The following SLC6A13 variants were observed in gnomAD, a reference collection of about 807,000 sequenced individuals.
SLC6A13 encodes the protein solute carrier family 6 member 13, also known as sodium- and chloride-dependent GABA transporter 2.
Under a neutral mutation model 72.9 loss-of-function variants are expected in SLC6A13, and 69 were observed. The observed-to-expected ratio is 0.95, with a 90% CI of 0.78 to 1.16. The LOEUF (loss-of-function observed/expected upper bound fraction) is 1.16, where lower values mean the gene tolerates loss of function less well. Ranked by LOEUF, SLC6A13 falls within the 50% of genes most tolerant of loss-of-function variation. The probability of loss-of-function intolerance (pLI) is 0.00; values close to 1 mark genes in which losing one functional copy is unlikely to be tolerated. For synonymous variants in SLC6A13, 303 were observed against 303.0 expected (o/e 1.00, Z 0.00); for missense variants, 735 against 760.5 (o/e 0.97, Z 0.39).
intron 2 of SLC6A13, among the ~76,000 whole-genome samples, chr12:246,618 C>T (rs1267324063): frequency 6.6e-6 from 1 of 152,130 alleles, no homozygotes; most frequent in East Asian, 1.9e-4. Flanking sequence ...TAAAGAAATA[C>T]ATTGGATGGG....
intron 2 of SLC6A13, among the ~76,000 whole-genome samples, chr12:247,821 G>A (rs1165652987): frequency 1.3e-5 from 2 of 152,044 alleles, no homozygotes; most frequent in African/African-American, 4.8e-5. Flanking sequence ...ACAAAGGTTA[G>A]GAGGAAAGAA....
chr12:242,209 C>T (rs1032568746), intron 4 of SLC6A13, among the ~76,000 whole-genome samples: 6 of 152,168 alleles, frequency 3.9e-5, no homozygotes, highest in East Asian at 1.9e-4. Flanking sequence ...TCCACTTATA[C>T]GTGGATTTTC....
rs528585021 is a variant in SLC6A13, at chr12:261,940, A to C, written c.-6+849T>G. 2.0e-5 allele frequency among the ~76,000 whole-genome samples: 3 copies of C among 152,234 alleles called. No individual in the cohort carries two copies. In the East Asian group the frequency reaches 5.8e-4, roughly 29 times the overall value. On this transcript the variant is annotated intron_variant, in intron 1 of 14. Transcript: ENST00000343164. ...GACTCTGTCTCAAAAAAAAGAAAAAAAAAAAAAGTCAGGGAACAGCAGGCA... is the reference window on the plus strand; with the variant it reads ...GACTCTGTCTCAAAAAAAAGAAAAACAAAAAAAGTCAGGGAACAGCAGGCA...
At chr12:246,412 A>C (rs1052807895) in intron 2 of SLC6A13, among the ~76,000 whole-genome samples, 1 of 152,214 alleles carries the variant, frequency 6.6e-6, no homozygotes, top group African/African-American at 2.4e-5. Flanking sequence ...AGGAAAGCAA[A>C]GAATCAGGAA....
intron 2 of SLC6A13, among the ~76,000 whole-genome samples, chr12:249,505 C>A: frequency 6.6e-6 from 1 of 152,070 alleles, no homozygotes; most frequent in East Asian, 1.9e-4. Flanking sequence ...AACTTTATGC[C>A]AGTAAGTGCA....
In SLC6A13 at chr12:223,241, G is replaced by A; in HGVS notation, c.1312-7C>T. The A allele has an allele frequency of 6.3e-7, 1 of 1,582,282 alleles. No individual in the cohort carries two copies. The highest frequency in any genetic ancestry group is 8.7e-7 in the Non-Finnish European group (1 of 1,153,408). Reference sequence around the variant, plus strand: ...GGAACACGTACATTCCGCCCTGCATGGGAGGAGATTATTTTAAAAAGAAGT... The same window carrying A: ...GGAACACGTACATTCCGCCCTGCATAGGAGGAGATTATTTTAAAAAGAAGT... On this transcript the variant is annotated splice_polypyrimidine_tract_variant and splice_region_variant and intron_variant, in intron 11 of 14. Transcript: ENST00000343164.
At chr12:225,150 T>A (rs977029617) in intron 9 of SLC6A13, among the ~76,000 whole-genome samples, 1 of 152,248 alleles carries the variant, frequency 6.6e-6, no homozygotes, top group East Asian at 1.9e-4. Context: ...CAGGAAAACA[T>A]GCACGTAATA....
intron 14 of SLC6A13, 127 bp from the exon 15 acceptor site, chr12:221,197 G>T: frequency 7.3e-7 from 1 of 1,368,594 alleles, no homozygotes; most frequent in Admixed American, 2.6e-5. Context: ...GCCCCTGTCT[G>T]GGAGTCCCCC....
In SLC6A13 at chr12:222,260, G is replaced by A. The variant is rs144126276; in HGVS notation, c.1515+272C>T. 4.7e-3 allele frequency among the ~76,000 whole-genome samples: 723 copies of A among 152,328 alleles called. 1 individual carries two copies. Among genetic ancestry groups the A allele is most frequent in the Non-Finnish European group, 7.2e-3 (491 of 68,028 alleles). On this transcript the variant is annotated intron_variant, in intron 13 of 14. Transcript: ENST00000343164. ...TTTTTATGAGCAGCCCAAGGCACCC[G>A]GGTTTCAGTCCTGGCCTGTGACGTT... is the stretch of plus-strand genomic sequence containing the variant.
At chr12:222,995 G>C (rs920573977) in intron 12 of SLC6A13, 137 bp downstream of exon 12, 7 of 614,324 alleles carry the variant, frequency 1.1e-5, no homozygotes, top group African/African-American at 1.9e-5. Context: ...TTTAGGATTT[G>C]CAAGATTTTG....
At chr12:261,530 C>T (rs376619449) in intron 1 of SLC6A13, among the ~76,000 whole-genome samples, 1 of 152,282 alleles carries the variant, frequency 6.6e-6, no homozygotes, top group South Asian at 2.1e-4. Context: ...GGCAGATGGA[C>T]TTTTTTCTAA....
intron 2 of SLC6A13, among the ~76,000 whole-genome samples, chr12:248,365 C>T (rs1413576701): frequency 6.9e-6 from 1 of 144,008 alleles, no homozygotes; most frequent in East Asian, 2.0e-4. Context: ...GGTTGCACCA[C>T]TGCACTCCAG....
intron 2 of SLC6A13, among the ~76,000 whole-genome samples, chr12:248,777 G>A (rs1942444537): frequency 6.6e-6 from 1 of 152,032 alleles, no homozygotes; most frequent in South Asian, 2.1e-4. Flanking sequence ...ATATCCACCA[G>A]CTCAACTTAG....
chr12:227,049 AGGGAGAT>A (rs1941489827), intron 8 of SLC6A13: 1 of 166,498 alleles, frequency 6.0e-6, no homozygotes, highest in Non-Finnish European at 1.3e-5. Flanking sequence ...ATGTGAAGTG[AGGGAGAT>A]GGTGTGAAAA....
chr12:234,940 A>G, intron 7 of SLC6A13, 150 bp downstream of exon 7: 3 of 827,334 alleles, frequency 3.6e-6, no homozygotes, highest in Admixed American at 2.4e-5. Context: ...CAACAAACAG[A>G]TGTCTAGAGA....
chr12:239,647 C>T (rs1942092209), intron 4 of SLC6A13, among the ~76,000 whole-genome samples: 1 of 152,194 alleles, frequency 6.6e-6, no homozygotes, highest in Admixed American at 6.5e-5. Flanking sequence ...ATGTCTACCT[C>T]CCATCGCTAC....
intron 1 of SLC6A13, among the ~76,000 whole-genome samples, chr12:261,247 C>A (rs563991418): frequency 6.6e-6 from 1 of 152,318 alleles, no homozygotes; most frequent in African/African-American, 2.4e-5. Context: ...ACATTCTTTT[C>A]ATTTAATTCT....
At chr12:259,653 A>G in intron 2 of SLC6A13, 198 bp downstream of exon 2, 1 of 1,439,558 alleles carries the variant, frequency 6.9e-7, no homozygotes, top group Non-Finnish European at 9.1e-7. Context: ...CCACGTTATA[A>G]TAGAAAGAGC....
Position 242,600 on chromosome 12 carries a change from G to T in SLC6A13, c.478+14C>A, listed in dbSNP as rs1942204907. The T allele has an allele frequency of 6.2e-7, 1 of 1,611,936 alleles. No individual in the cohort carries two copies. Among genetic ancestry groups the T allele is most frequent in the Non-Finnish European group, 8.5e-7 (1 of 1,178,620 alleles). ...AACGAGAGGAGGAAGTGGACCCTTG[G>T]GTGAGGACCATACCTGTGTTCCACT... is the stretch of plus-strand genomic sequence containing the variant. On this transcript the variant is annotated intron_variant, in intron 4 of 14. Coordinates refer to ENST00000343164, the MANE Select transcript of SLC6A13 (RefSeq NM_016615.5).
Sources: gnomAD v4.1 joint callset for allele counts (sites outside exome capture counted in the v4.1 genomes callset) on GRCh38, gnomAD v4.1.1 for gene constraint, MANE v1.5 for transcripts, NCBI Gene and HGNC (gene_info 2026-07-23, HGNC 2026-07-21) for gene names.